Variants in PLXNA4 observed in about 807,000 individuals in gnomAD.
PLXNA4 encodes the protein plexin-A4.
Under a neutral mutation model 191.8 loss-of-function variants are expected in PLXNA4, and 44 were observed. The observed-to-expected ratio is 0.23, with a 90% CI of 0.18 to 0.29. The LOEUF (loss-of-function observed/expected upper bound fraction) is 0.29, where lower values mean the gene tolerates loss of function less well. Among genes scored for constraint, PLXNA4 ranks in the 10% least tolerant of loss-of-function variants. The probability of loss-of-function intolerance (pLI) is 1.00; values close to 1 mark genes in which losing one functional copy is unlikely to be tolerated. For synonymous variants in PLXNA4, 1,082 were observed against 1,009.5 expected, an observed-to-expected ratio of 1.07 and a Z score of -1.36; for missense variants, 1,800 against 2,488.8, an observed-to-expected ratio of 0.72 and a Z score of 5.89.
At chr7:132,165,879 C>A (rs1165682815) in intron 22 of PLXNA4, among the ~76,000 whole-genome samples, 1 of 152,134 alleles carries the variant, frequency 6.6e-6, no homozygotes, top group Non-Finnish European at 1.5e-5. Flanking sequence ...AGCCATATAC[C>A]CAGCTCAGCC....
At chr7:132,227,940 G>A (rs1263620880) in intron 6 of PLXNA4, among the ~76,000 whole-genome samples, 1 of 152,138 alleles carries the variant, frequency 6.6e-6, no homozygotes, top group Non-Finnish European at 1.5e-5. Context: ...CCCAATTTTG[G>A]AAAAATAGAA....
intron 3 of PLXNA4, among the ~76,000 whole-genome samples, chr7:132,312,210 T>G (rs1339770360): frequency 6.6e-6 from 1 of 151,784 alleles, no homozygotes; most frequent in Non-Finnish European, 1.5e-5. Flanking sequence ...GCCAGAAGCC[T>G]GTGGAGTTAG....
intron 2 of PLXNA4, among the ~76,000 whole-genome samples, chr7:132,502,765 C>T (rs141905427): frequency 1.2e-4 from 19 of 152,268 alleles, no homozygotes; most frequent in African/African-American, 4.6e-4. Flanking sequence ...AGGATGCCTG[C>T]CCTTCCATTA....
At chr7:132,149,505 T>C (rs1259171208) in intron 25 of PLXNA4, among the ~76,000 whole-genome samples, 1 of 152,110 alleles carries the variant, frequency 6.6e-6, no homozygotes, top group Non-Finnish European at 1.5e-5. Context: ...CAGACACACA[T>C]AAACTCATGC....
chr7:132,574,620 T>G (rs908010642), intron 1 of PLXNA4, among the ~76,000 whole-genome samples: 1 of 152,198 alleles, frequency 6.6e-6, no homozygotes, highest in Non-Finnish European at 1.5e-5. Flanking sequence ...TTCCCCCTAC[T>G]GGGGTCTCTC....
intron 3 of PLXNA4, among the ~76,000 whole-genome samples, chr7:132,311,127 A>C (rs1801713933): frequency 6.6e-6 from 1 of 150,570 alleles, no homozygotes; most frequent in Admixed American, 6.6e-5. Context: ...ATTTCAAAGT[A>C]GCCCCAGTTC....
intron 3 of PLXNA4, chr7:132,385,310 A>C: frequency 6.2e-7 from 1 of 1,604,914 alleles, no homozygotes; most frequent in Non-Finnish European, 8.5e-7. Context: ...AAAAGATGAA[A>C]CCTTAGCAGA....
At chr7:132,481,470 C>T in intron 3 of PLXNA4, among the ~76,000 whole-genome samples, 1 of 152,030 alleles carries the variant, frequency 6.6e-6, no homozygotes, top group Admixed American at 6.5e-5. Context: ...TTACCCAACC[C>T]CTTTTCTCCT....
chr7:132,273,323 AAC>A lies in PLXNA4; in HGVS notation c.1503+24766_1503+24767del, dbSNP rs749633900. ...TTTAATTCATGCCTCATTGGTTTTCAACACACACACACACACACGCACACACA... is the reference window on the plus strand; with the variant it reads ...TTTAATTCATGCCTCATTGGTTTTCAACACACACACACACACGCACACACA... On this transcript the variant is annotated intron_variant, in intron 4 of 31. Transcript: ENST00000321063. 3.8e-3 allele frequency among the ~76,000 whole-genome samples: 570 copies of A among 149,492 alleles called. 4 individuals are homozygous for A. Among genetic ancestry groups the A allele is most frequent in the African/African-American group, 0.011 (424 of 40,334 alleles).
chr7:132,548,493 T>A (rs1308253121), intron 1 of PLXNA4, among the ~76,000 whole-genome samples: 1 of 152,168 alleles, frequency 6.6e-6, no homozygotes, highest in Non-Finnish European at 1.5e-5. Flanking sequence ...TGCCAGGCAG[T>A]CTGAGTTCTC....
chr7:132,309,505 C>G (rs571073923), intron 3 of PLXNA4, among the ~76,000 whole-genome samples: 46 of 152,310 alleles, frequency 3.0e-4, no homozygotes, highest in African/African-American at 9.9e-4. Flanking sequence ...TCTCTGCCCC[C>G]ACACATGGGG....
intron 3 of PLXNA4, among the ~76,000 whole-genome samples, chr7:132,313,324 C>CT (rs1801819772): frequency 6.6e-6 from 1 of 152,116 alleles, no homozygotes; most frequent in Admixed American, 6.5e-5. Flanking sequence ...CCTTCCTGAA[C>CT]TTTTTTGCTA....
chr7:132,563,257 C>T (rs1430785479), intron 1 of PLXNA4, among the ~76,000 whole-genome samples: 2 of 124,332 alleles, frequency 1.6e-5, no homozygotes, highest in Non-Finnish European at 3.4e-5. Context: ...TCTCCTACTC[C>T]TTCTCCTCTT....
At chr7:132,406,621 A>G (rs1316795688) in intron 3 of PLXNA4, among the ~76,000 whole-genome samples, 1 of 152,162 alleles carries the variant, frequency 6.6e-6, no homozygotes, top group Non-Finnish European at 1.5e-5. Context: ...TCAAATTTAT[A>G]AAACCAAAAA....
chr7:132,228,864 C>A (rs779512403), intron 5 of PLXNA4, among the ~76,000 whole-genome samples: 1 of 152,142 alleles, frequency 6.6e-6, no homozygotes, highest in African/African-American at 2.4e-5. Context: ...TTTGAACATG[C>A]CAGTTCTTCT....
chr7:132,583,586 T>C (rs1802448716), intron 2 of PLXNA4, among the ~76,000 whole-genome samples: 1 of 151,920 alleles, frequency 6.6e-6, no homozygotes, highest in Admixed American at 6.6e-5. Context: ...GGGACAGGAG[T>C]GCCTATGCAA....
At chr7:132,259,371 G>A (rs906442248) in intron 4 of PLXNA4, among the ~76,000 whole-genome samples, 1 of 128,380 alleles carries the variant, frequency 7.8e-6, no homozygotes, top group East Asian at 2.7e-4. Flanking sequence ...AGGAGACAGA[G>A]GTTGCAGTGA....
At chr7:132,557,899 T>C (rs905095069) in intron 1 of PLXNA4, among the ~76,000 whole-genome samples, 1 of 151,974 alleles carries the variant, frequency 6.6e-6, no homozygotes, top group African/African-American at 2.4e-5. Flanking sequence ...ACTTCTCTTT[T>C]CAAGCTCAGA....
chr7:132,269,362 C>T (rs1213735535), intron 4 of PLXNA4, among the ~76,000 whole-genome samples: 1 of 152,028 alleles, frequency 6.6e-6, no homozygotes, highest in Non-Finnish European at 1.5e-5. Flanking sequence ...GACCCCCTGC[C>T]TCCCCCGCCC....
Sources: gnomAD v4.1 joint callset for allele counts (sites outside exome capture counted in the v4.1 genomes callset) on GRCh38, gnomAD v4.1.1 for gene constraint, MANE v1.5 for transcripts, NCBI Gene and HGNC (gene_info 2026-07-23, HGNC 2026-07-21) for gene names.